Variants in NOS1 observed in about 807,000 individuals in gnomAD.
The protein encoded by NOS1 is NOS type I.
NOS1 carries 51 observed loss-of-function variants against 164.5 expected under a neutral mutation model. The observed-to-expected ratio is 0.31, with a 90% CI of 0.25 to 0.39. The LOEUF is 0.39. Ranked by LOEUF, NOS1 falls within the 10% of genes least tolerant of loss-of-function variation. The pLI is 1.00. For missense variants in NOS1, 1,362 were observed against 1,885.6 expected (o/e 0.72, Z 5.14); for synonymous variants, 719 against 745.8 (o/e 0.96, Z 0.59).
rs1406479247 is a variant in NOS1 at position 117,212,877 on chromosome 12, G to A, written c.*2432C>T. 7.1e-6 allele frequency: 7 copies of A among 985,254 alleles called. No homozygotes were observed. The East Asian group carries it at 6.8e-4, about 96-fold the overall frequency. The allele number at this position is 985,254 out of a possible 1,614,324, so 61.0% of individuals were successfully genotyped here. A position where few individuals can be genotyped will look rare whatever the true frequency, so the allele number is the denominator to read the frequency against. On this transcript the variant is annotated 3_prime_UTR_variant, in exon 29 of 29. Coordinates refer to ENST00000317775, the MANE Select transcript of NOS1 (RefSeq NM_000620.5). ...GAGGCTTTTGGTATCAGGAATTCTG[G>A]CAAATGAAAGAAACACATCAGATCG...
chr12:117,234,500 TC>T lies in NOS1; in HGVS notation c.3235+64del. 6.6e-7 allele frequency: 1 copy of T among 1,525,560 alleles called. No homozygotes were observed. Among genetic ancestry groups the T allele is most frequent in the East Asian group, 2.3e-5 (1 of 44,018 alleles). 94.5% of individuals were successfully genotyped at this position (1,525,560 alleles called of 1,614,324 possible). On this transcript the variant is annotated intron_variant, in intron 21 of 28. Transcript: ENST00000317775. This position sits in a 1 kb window ranked among gnomAD's most constrained non-coding sequence, Gnocchi z 4.3. ...TGGTGATTGGGAAGAAAAGGTATCT[TC>T]TTCCCGAGACACCCACTGCCTCTGC...
chr12:117,280,593 G>T, intron 8 of NOS1, 132 bp downstream of exon 8: 1 of 910,322 alleles, frequency 1.1e-6, no homozygotes, highest in Non-Finnish European at 1.7e-6. Context: ...TGATGGAGAA[G>T]CAGGTTTGGA....
rs1046191024 is a variant in NOS1 at position 117,208,883 on chromosome 12, G to A, written c.*6426C>T. 10 of 608,214 alleles carry A rather than the reference G, an allele frequency of 1.6e-5. No homozygotes were observed. Among genetic ancestry groups the A allele is most frequent in the East Asian group, 1.4e-4 (1 of 7,144 alleles). 37.7% of individuals were successfully genotyped at this position (608,214 alleles called of 1,614,324 possible). ...GATTACAGATGCCCGCCACCACGCC[G>A]GGCTGATTTTTGTATTTTTAGTAGA... On this transcript the variant is annotated 3_prime_UTR_variant, in exon 29 of 29. Coordinates refer to ENST00000317775, the MANE Select transcript of NOS1 (RefSeq NM_000620.5).
intron 1 of NOS1, among the ~76,000 whole-genome samples, chr12:117,352,451 C>A (rs1196241170): frequency 6.6e-6 from 1 of 152,178 alleles, no homozygotes; most frequent in Non-Finnish European, 1.5e-5. Flanking sequence ...CTCAGTCCCT[C>A]AAGAGGCCCT....
rs767960370 is a variant in NOS1 at position 117,220,091 on chromosome 12, A to C, written c.4154T>G (p.Phe1385Cys). The change falls in exon 27 of 29, where the codon TTC (phenylalanine) becomes TGC (cysteine). Residue 1385 changes from phenylalanine to cysteine, a missense_variant. Phe to Cys is a radical substitution (Grantham distance 205, BLOSUM62 -2). Transcript: ENST00000317775. ...GKLSAEDAGV[F>C]ISRMRDDNRY... Reference sequence around the variant, plus strand: ...GTCACTCACCCTCATCCGGCTGATGAATACGCCGGCGTCCTCTGCCGAGAG... The same window carrying C: ...GTCACTCACCCTCATCCGGCTGATGCATACGCCGGCGTCCTCTGCCGAGAG... 1 of 1,610,062 alleles carries C rather than the reference A, an allele frequency of 6.2e-7. No individual in the cohort carries two copies. Among genetic ancestry groups the C allele is most frequent in the Admixed American group, 1.7e-5 (1 of 59,570 alleles).
chr12:117,270,348 C>T (rs1487332146), intron 10 of NOS1, among the ~76,000 whole-genome samples: 1 of 152,176 alleles, frequency 6.6e-6, no homozygotes, highest in Non-Finnish European at 1.5e-5. Context: ...GAGAGAGGCT[C>T]ATTTCAGTTA....
rs1956469097 is a variant in NOS1, at chr12:117,208,322, A to G, written c.*6987T>C. 7.8e-7 allele frequency: 1 copy of G among 1,288,870 alleles called. No individual in the cohort carries two copies. The highest frequency in any genetic ancestry group is 2.3e-5 in the Admixed American group (1 of 43,498). 79.8% of individuals were successfully genotyped at this position (1,288,870 alleles called of 1,614,324 possible). A position where few individuals can be genotyped will look rare whatever the true frequency, so the allele number is the denominator to read the frequency against. The stretch of plus-strand genomic sequence containing the variant: ...TCCTTCAAGGAAGGTGCTGGAGCAC[A>G]GGGACACTTGGCAGAGATTAGCAGC... On this transcript the variant is annotated 3_prime_UTR_variant, in exon 29 of 29. Coordinates refer to ENST00000317775, the MANE Select transcript of NOS1 (RefSeq NM_000620.5).
intron 8 of NOS1, among the ~76,000 whole-genome samples, chr12:117,278,306 GT>G (rs1238585281): frequency 1.3e-5 from 2 of 152,144 alleles, no homozygotes; most frequent in East Asian, 1.9e-4. Flanking sequence ...GTAATTGCGG[GT>G]TTTGCCATTA....
intron 22 of NOS1, among the ~76,000 whole-genome samples, chr12:117,231,404 A>G (rs911599698): frequency 4.6e-5 from 7 of 152,156 alleles, no homozygotes; most frequent in Non-Finnish European, 7.3e-5. Flanking sequence ...TATATTTAAA[A>G]ATAACTAAAA....
In NOS1 at chr12:117,211,792, G is replaced by A. The variant is rs568889184; in HGVS notation, c.*3517C>T. 17 of 985,434 alleles carry A rather than the reference G, an allele frequency of 1.7e-5. No individual in the cohort carries two copies. Among genetic ancestry groups the A allele is most frequent in the South Asian group, 1.4e-4 (3 of 21,278 alleles). 61.0% of individuals were successfully genotyped at this position (985,434 alleles called of 1,614,324 possible). A position where few individuals can be genotyped will look rare whatever the true frequency, so the allele number is the denominator to read the frequency against. ...ATCAGATTATAACCTTTGGCTGGGC[G>A]TGGTGGCTCATGCCTGTAATCCAGC... On this transcript the variant is annotated 3_prime_UTR_variant, in exon 29 of 29. Coordinates refer to ENST00000317775, the MANE Select transcript of NOS1 (RefSeq NM_000620.5).
At chr12:117,351,345 A>C (rs12315429) in intron 1 of NOS1, among the ~76,000 whole-genome samples, 1,899 of 152,208 alleles carry the variant, frequency 0.012, 36 homozygotes, top group African/African-American at 0.043. Flanking sequence ...CCACCACCCA[A>C]AGGGCTTCGG....
chr12:117,287,463 A>G (rs1398104041), intron 5 of NOS1, among the ~76,000 whole-genome samples: 2 of 150,846 alleles, frequency 1.3e-5, no homozygotes, highest in Non-Finnish European at 2.9e-5. Context: ...TTTGAGATGG[A>G]GTCTCGCTCT....
intron 3 of NOS1, chr12:117,302,115 G>C: frequency 2.2e-6 from 1 of 456,606 alleles, no homozygotes; most frequent in African/African-American, 2.0e-5. Context: ...GGTTGAGCTG[G>C]GGGTTCAATG....
chr12:117,240,939 T>C (rs1181980704), intron 20 of NOS1, among the ~76,000 whole-genome samples: 1 of 143,114 alleles, frequency 7.0e-6, no homozygotes, highest in Non-Finnish European at 1.5e-5. Context: ...ATTTTTCTTT[T>C]TCTTTTTTTT....
At chr12:117,316,333 T>G (rs553989613) in intron 2 of NOS1, among the ~76,000 whole-genome samples, 1 of 152,252 alleles carries the variant, frequency 6.6e-6, no homozygotes, top group East Asian at 1.9e-4. Context: ...AATTCTCTAC[T>G]ACCCTTCCAG....
Position 117,208,188 on chromosome 12 carries a change from T to A in NOS1, c.*7121A>T. 2.0e-6 allele frequency: 2 copies of A among 991,226 alleles called. No homozygotes were observed. The highest frequency in any genetic ancestry group is 3.1e-5 in the South Asian group (2 of 63,664). The allele number at this position is 991,226 out of a possible 1,614,324, so 61.4% of individuals were successfully genotyped here. On this transcript the variant is annotated 3_prime_UTR_variant, in exon 29 of 29. Coordinates refer to ENST00000317775, the MANE Select transcript of NOS1 (RefSeq NM_000620.5). ...GTAACCATAATGCAAACAAGCATAA[T>A]AGGCTTTTGTTGAATCCCATAAAAT... is the stretch of plus-strand genomic sequence containing the variant.
At chr12:117,347,918 A>C (rs921358931) in intron 1 of NOS1, 16 of 151,750 alleles carry the variant, frequency 1.1e-4, no homozygotes, top group African/African-American at 3.4e-4. Flanking sequence ...TTCTCTTTTG[A>C]TGTCAAACCA....
chr12:117,255,993 AG>A (rs2135972309), intron 16 of NOS1: 1 of 1,475,668 alleles, frequency 6.8e-7, no homozygotes, highest in Non-Finnish European at 8.9e-7. Flanking sequence ...ACCATTGGGG[AG>A]GGGAGGCCCT....
intron 4 of NOS1, among the ~76,000 whole-genome samples, chr12:117,289,416 A>G (rs1872903917): frequency 6.6e-6 from 1 of 152,238 alleles, no homozygotes; most frequent in Admixed American, 6.5e-5. Context: ...TAAGAGTTGA[A>G]GAAGGAAGAA....
Sources: gnomAD v4.1 joint callset for allele counts (sites outside exome capture counted in the v4.1 genomes callset) on GRCh38, gnomAD v4.1.1 for gene constraint, Gnocchi (gnomAD v3.1) non-coding constraint, MANE v1.5 for transcripts, NCBI Gene and HGNC (gene_info 2026-07-23, HGNC 2026-07-21) for gene names.